Variants in FNDC3B observed in about 807,000 individuals in gnomAD.
FNDC3B encodes the protein fibronectin type III domain-containing protein 3B.
Under a neutral mutation model 151.5 loss-of-function variants are expected in FNDC3B, and 12 were observed. The observed-to-expected ratio is 0.08, with a 90% CI of 0.05 to 0.13. FNDC3B has a LOEUF of 0.13. Ranked by LOEUF, FNDC3B falls within the 10% of genes least tolerant of loss-of-function variation. FNDC3B has a pLI of 1.00. For missense variants in FNDC3B, 1,214 were observed against 1,505.3 expected (o/e 0.81, Z 3.20); for synonymous variants, 528 against 549.0 (o/e 0.96, Z 0.54).
At chr3:172,086,726 T>G (rs920698964) in intron 1 of FNDC3B, among the ~76,000 whole-genome samples, 1 of 152,268 alleles carries the variant, frequency 6.6e-6, no homozygotes, top group African/African-American at 2.4e-5. Flanking sequence ...AGGCATTCTC[T>G]AGTGAACATT....
At chr3:172,248,826 C>T (rs557561187) in intron 5 of FNDC3B, among the ~76,000 whole-genome samples, 2 of 149,794 alleles carry the variant, frequency 1.3e-5, no homozygotes, top group African/African-American at 2.4e-5. Context: ...TGAAATATAT[C>T]GTTGTAACTT....
intron 20 of FNDC3B, among the ~76,000 whole-genome samples, chr3:172,346,923 C>G (rs1040305088): frequency 6.6e-6 from 1 of 152,012 alleles, no homozygotes; most frequent in African/African-American, 2.4e-5. Flanking sequence ...AGGCTGGTCT[C>G]GAACTCCTTA....
intron 11 of FNDC3B, among the ~76,000 whole-genome samples, chr3:172,315,829 G>A (rs1426135435): frequency 6.6e-6 from 1 of 151,484 alleles, no homozygotes; most frequent in African/African-American, 2.4e-5. Context: ...CAAGGTATAG[G>A]TTCTTTCCAC....
chr3:172,117,777 C>T (rs527936365), intron 2 of FNDC3B, among the ~76,000 whole-genome samples: 9 of 152,168 alleles, frequency 5.9e-5, no homozygotes, highest in African/African-American at 1.7e-4. Flanking sequence ...TGGAGGACAT[C>T]GAGTAAATGA....
At chr3:172,073,726 G>A (rs1233718663) in intron 1 of FNDC3B, among the ~76,000 whole-genome samples, 2 of 152,106 alleles carry the variant, frequency 1.3e-5, no homozygotes, top group Non-Finnish European at 2.9e-5. Flanking sequence ...TGATGAATTA[G>A]TCTTATGCAT....
At chr3:172,043,537 T>G (rs1716200954) in intron 1 of FNDC3B, among the ~76,000 whole-genome samples, 1 of 152,166 alleles carries the variant, frequency 6.6e-6, no homozygotes. Context: ...ATTGTTTTTT[T>G]GTAGAGACAG....
intron 1 of FNDC3B, among the ~76,000 whole-genome samples, chr3:172,091,486 T>C (rs1431841411): frequency 2.0e-5 from 3 of 152,114 alleles, no homozygotes; most frequent in African/African-American, 7.2e-5. Flanking sequence ...GAAGTCAGAA[T>C]TTTAAAAATA....
At chr3:172,310,443 C>A (rs1731411596) in intron 10 of FNDC3B, among the ~76,000 whole-genome samples, 1 of 152,234 alleles carries the variant, frequency 6.6e-6, no homozygotes, top group Non-Finnish European at 1.5e-5. Flanking sequence ...CTTGACTGTG[C>A]TCCACCAGAC....
At chr3:172,115,027 G>C (rs1720174809) in intron 2 of FNDC3B, among the ~76,000 whole-genome samples, 1 of 152,196 alleles carries the variant, frequency 6.6e-6, no homozygotes, top group Non-Finnish European at 1.5e-5. Context: ...AAGTGTGTTA[G>C]AAATGTCCCT....
chr3:172,153,562 G>A (rs953210960), intron 3 of FNDC3B, among the ~76,000 whole-genome samples: 1 of 152,196 alleles, frequency 6.6e-6, no homozygotes, highest in Non-Finnish European at 1.5e-5. Context: ...AATCACCAGC[G>A]GGATACGGAA....
chr3:172,169,221 A>AATGCCAT (rs1351098283), intron 3 of FNDC3B, among the ~76,000 whole-genome samples: 1 of 152,100 alleles, frequency 6.6e-6, no homozygotes, highest in Non-Finnish European at 1.5e-5. Context: ...GAGGATGTGG[A>AATGCCAT]ATGCCATGTC....
intron 18 of FNDC3B, among the ~76,000 whole-genome samples, chr3:172,343,631 A>G (rs1733452332): frequency 6.6e-6 from 1 of 152,216 alleles, no homozygotes; most frequent in Admixed American, 6.5e-5. Context: ...TACAACATGT[A>G]TAATTACAAG....
chr3:172,108,029 A>G lies in FNDC3B; in HGVS notation c.-28-4423A>G, dbSNP rs899696666. Among the ~76,000 whole-genome samples, 27 of 152,176 alleles carry G rather than the reference A, an allele frequency of 1.8e-4. No individual in the cohort carries two copies. In the East Asian group the frequency reaches 5.2e-3, roughly 29 times the overall value. On this transcript the variant is annotated intron_variant, in intron 1 of 25. Coordinates refer to ENST00000415807, the MANE Select transcript of FNDC3B (RefSeq NM_022763.4). ...CTAAAAATACAAAAAATAGTTGGGCATGGTGGCACGTGCCTGTAGTCCCAG... is the reference window on the plus strand; with the variant it reads ...CTAAAAATACAAAAAATAGTTGGGCGTGGTGGCACGTGCCTGTAGTCCCAG...
In FNDC3B at chr3:172,112,440, GTTCTC is replaced by G; in HGVS notation, c.-28-9_-28-5del. 1.4e-6 allele frequency: 2 copies of G among 1,429,504 alleles called. No homozygotes were observed. The highest frequency in any genetic ancestry group is 2.0e-6 in the Non-Finnish European group (2 of 1,011,446). 88.6% of individuals were successfully genotyped at this position (1,429,504 alleles called of 1,614,324 possible). Reference sequence around the variant, plus strand: ...TCTGAGTCCTTTTTAAAAAGCGGCGGTTCTCTTGCAGGAAGCCAGTTGAGGGAAGT... The same window carrying G: ...TCTGAGTCCTTTTTAAAAAGCGGCGGTTGCAGGAAGCCAGTTGAGGGAAGT... On this transcript the variant is annotated splice_polypyrimidine_tract_variant and splice_region_variant and intron_variant, in intron 1 of 25. Transcript: ENST00000415807.
chr3:172,347,044 G>T (rs1733647299), intron 20 of FNDC3B, among the ~76,000 whole-genome samples, 168 bp from the exon 21 acceptor site: 1 of 152,168 alleles, frequency 6.6e-6, no homozygotes. Flanking sequence ...AAAAAATTTT[G>T]TGGGTACATA....
intron 6 of FNDC3B, among the ~76,000 whole-genome samples, chr3:172,281,215 A>ATTTATT (rs144555553): frequency 6.9e-4 from 91 of 132,502 alleles, no homozygotes; most frequent in African/African-American, 1.8e-3. Context: ...ATTATTATTT[A>ATTTATT]TATTTATTTA....
At chr3:172,073,587 T>G (rs1487654970) in intron 1 of FNDC3B, among the ~76,000 whole-genome samples, 1 of 152,212 alleles carries the variant, frequency 6.6e-6, no homozygotes, top group Non-Finnish European at 1.5e-5. Context: ...TATGGTTTAT[T>G]TGTGAAATAA....
At chr3:172,333,034 A>C in intron 13 of FNDC3B, 55 bp from the exon 14 acceptor site, 1 of 1,124,894 alleles carries the variant, frequency 8.9e-7, no homozygotes, top group South Asian at 1.2e-5. Flanking sequence ...ATTCAAAGGT[A>C]TTTAATGCCC....
intron 11 of FNDC3B, among the ~76,000 whole-genome samples, chr3:172,328,447 T>C (rs1222181369): frequency 6.6e-6 from 1 of 152,190 alleles, no homozygotes; most frequent in Non-Finnish European, 1.5e-5. Flanking sequence ...GCAAGAAAGA[T>C]ACAGCTGGAG....
Sources: gnomAD v4.1 joint callset for allele counts (sites outside exome capture counted in the v4.1 genomes callset) on GRCh38, gnomAD v4.1.1 for gene constraint, MANE v1.5 for transcripts, NCBI Gene and HGNC (gene_info 2026-07-23, HGNC 2026-07-21) for gene names.